SYNPR: variants seen among roughly 807,000 people sequenced by gnomAD.
SYNPR encodes synaptoporin.
SYNPR carries 23 observed loss-of-function variants against 32.9 expected under a neutral mutation model. The observed-to-expected ratio is 0.70, with a 90% CI of 0.50 to 0.99. The LOEUF (loss-of-function observed/expected upper bound fraction) is 0.99. SYNPR is among the 50% of genes least tolerant of loss of function. The pLI, the probability that SYNPR is intolerant of heterozygous loss-of-function variation, is 0.00. For missense variants in SYNPR, 318 were observed against 349.3 expected (o/e 0.91, Z 0.71); for synonymous variants, 146 against 135.9 (o/e 1.07, Z -0.52).
intron 2 of SYNPR, among the ~76,000 whole-genome samples, chr3:63,394,878 G>C (rs1322421445): frequency 6.6e-6 from 1 of 152,152 alleles, no homozygotes; most frequent in African/African-American, 2.4e-5. Flanking sequence ...CTGAGTATTA[G>C]TATCAGATAA....
At chr3:63,398,034 T>C (rs1278207045) in intron 2 of SYNPR, among the ~76,000 whole-genome samples, 1 of 152,164 alleles carries the variant, frequency 6.6e-6, no homozygotes, top group Non-Finnish European at 1.5e-5. Flanking sequence ...GTCACTGTTG[T>C]AGGGTGGTGT....
At chr3:63,273,369 G>C (rs1336757795), upstream of SYNPR, among the ~76,000 whole-genome samples, 1 of 152,146 alleles carries the variant, frequency 6.6e-6, no homozygotes, top group Non-Finnish European at 1.5e-5. Context: ...CATAATGGAA[G>C]TAACAGTAGT....
intron 2 of SYNPR, among the ~76,000 whole-genome samples, chr3:63,374,017 C>T (rs906503211): frequency 1.3e-5 from 2 of 152,102 alleles, no homozygotes; most frequent in Non-Finnish European, 2.9e-5. Context: ...GATCCTTTTC[C>T]GATAAGCAAA....
intron 2 of SYNPR, among the ~76,000 whole-genome samples, chr3:63,422,950 A>G (rs1466496902): frequency 6.6e-6 from 1 of 152,242 alleles, no homozygotes; most frequent in East Asian, 1.9e-4. Flanking sequence ...AGGAAACACC[A>G]TTCAGGAGTT....
chr3:63,404,585 A>T (rs1271554019), intron 2 of SYNPR, among the ~76,000 whole-genome samples: 1 of 152,172 alleles, frequency 6.6e-6, no homozygotes, highest in Non-Finnish European at 1.5e-5. Context: ...CATTTCAATG[A>T]AATTTTAATT....
intron 2 of SYNPR, among the ~76,000 whole-genome samples, chr3:63,447,610 A>G (rs917808512): frequency 6.6e-6 from 1 of 151,430 alleles, no homozygotes; most frequent in Non-Finnish European, 1.5e-5. Flanking sequence ...ATGAAGCACT[A>G]AATCTTCTAG....
chr3:63,575,108 A>T (rs1376987019), intron 4 of SYNPR, among the ~76,000 whole-genome samples: 2 of 152,118 alleles, frequency 1.3e-5, no homozygotes, highest in Non-Finnish European at 2.9e-5. Flanking sequence ...AGCAGGTGCA[A>T]GCACTTCACA....
chr3:63,337,587 A>G (rs1330657537), intron 2 of SYNPR, among the ~76,000 whole-genome samples: 1 of 152,156 alleles, frequency 6.6e-6, no homozygotes, highest in Non-Finnish European at 1.5e-5. Context: ...TTTATTCATA[A>G]TATCCCCAAA....
At chr3:63,602,801 TTTGGTTAGAATTGCC>T (rs571907055) in intron 4 of SYNPR, among the ~76,000 whole-genome samples, 132 of 152,364 alleles carry the variant, frequency 8.7e-4, no homozygotes, top group African/African-American at 3.1e-3. Context: ...CTTTGTTCTT[TTTGGTTAGAATTGCC>T]TTGGTCATTC....
At chr3:63,461,405 A>T (rs978639491) in intron 2 of SYNPR, among the ~76,000 whole-genome samples, 5 of 152,134 alleles carry the variant, frequency 3.3e-5, no homozygotes, top group Non-Finnish European at 5.9e-5. Context: ...AATGAATCAA[A>T]GTCAAGCAGC....
intron 2 of SYNPR, among the ~76,000 whole-genome samples, chr3:63,478,532 C>T (rs1232720305): frequency 6.6e-6 from 1 of 152,116 alleles, no homozygotes; most frequent in Admixed American, 6.5e-5. Flanking sequence ...CAATGCTTGG[C>T]CCATAGTAGG....
intron 2 of SYNPR, among the ~76,000 whole-genome samples, chr3:63,336,489 A>G (rs1011408245): frequency 6.9e-6 from 1 of 144,118 alleles, no homozygotes; most frequent in Admixed American, 7.1e-5. Context: ...TTTTGAATAA[A>G]TAGTACTAGA....
chr3:63,605,514 T>A (rs1179793767), intron 4 of SYNPR, among the ~76,000 whole-genome samples: 1 of 152,218 alleles, frequency 6.6e-6, no homozygotes, highest in Non-Finnish European at 1.5e-5. Flanking sequence ...CAGAAATATT[T>A]ATTGAGCAGC....
chr3:63,410,851 TTGGGTTGAGTGCCTGACTTATGAGGC>T (rs1409067181), intron 2 of SYNPR, among the ~76,000 whole-genome samples: 3 of 152,058 alleles, frequency 2.0e-5, no homozygotes, highest in Non-Finnish European at 4.4e-5. Context: ...ACAGTGATGG[TTGGGTTGAGTGCCTGACTTATGAGGC>T]TGCAGTGTGA....
chr3:63,327,983 A>G (rs2087185800), intron 2 of SYNPR, among the ~76,000 whole-genome samples: 1 of 152,192 alleles, frequency 6.6e-6, no homozygotes. Context: ...AAAAAGCAGG[A>G]CAAAGTAAAT....
chr3:63,494,486 T>TACAC (rs1491033319), intron 3 of SYNPR, among the ~76,000 whole-genome samples: 10 of 116,082 alleles, frequency 8.6e-5, no homozygotes, highest in Non-Finnish European at 1.1e-4. Flanking sequence ...TACATATATA[T>TACAC]ACATATATAT....
intron 2 of SYNPR, among the ~76,000 whole-genome samples, chr3:63,434,009 G>A (rs955101736): frequency 3.3e-5 from 5 of 152,084 alleles, no homozygotes; most frequent in African/African-American, 4.8e-5. Context: ...AGCAGAGTGG[G>A]GAGAGTGCTT....
At chr3:63,224,938 G>A (rs1207156644), upstream of SYNPR, among the ~76,000 whole-genome samples, 1 of 152,202 alleles carries the variant, frequency 6.6e-6, no homozygotes, top group Admixed American at 6.5e-5. Context: ...TCTCCCTGAT[G>A]AACAGGGTGG....
intron 2 of SYNPR, among the ~76,000 whole-genome samples, chr3:63,383,353 C>T (rs2087997491): frequency 6.6e-6 from 1 of 152,152 alleles, no homozygotes; most frequent in African/African-American, 2.4e-5. Context: ...CAAGAGTGTC[C>T]TTTATCTTTT....
Sources: allele counts gnomAD v4.1 joint callset (sites outside exome capture counted in the v4.1 genomes callset), GRCh38; gene constraint gnomAD v4.1.1; transcripts MANE v1.5; gene names NCBI Gene and HGNC (gene_info 2026-07-23, HGNC 2026-07-21).